The following COP1 variants were observed in gnomAD, a reference collection of about 807,000 sequenced individuals.
The protein encoded by COP1 is E3 ubiquitin-protein ligase COP1.
In COP1, 24 loss-of-function variants were observed where a neutral mutation model predicts 101.3. The observed-to-expected ratio is 0.24, with a 90% CI of 0.17 to 0.33. The LOEUF (loss-of-function observed/expected upper bound fraction) is 0.33. COP1 is among the 10% of genes least tolerant of loss of function. COP1 has a pLI of 1.00. For missense variants in COP1, 663 were observed against 906.2 expected (o/e 0.73, Z 3.45); for synonymous variants, 347 against 341.9 (o/e 1.01, Z -0.17).
intron 11 of COP1, among the ~76,000 whole-genome samples, chr1:176,046,689 T>G (rs1196308489): frequency 2.0e-5 from 3 of 152,086 alleles, no homozygotes; most frequent in Non-Finnish European, 4.4e-5. Flanking sequence ...CAACTAATTT[T>G]TCCATACATT....
intron 11 of COP1, among the ~76,000 whole-genome samples, chr1:176,066,051 T>G (rs1391856531): frequency 6.6e-6 from 1 of 152,056 alleles, no homozygotes; most frequent in Non-Finnish European, 1.5e-5. Context: ...TATCACAAGA[T>G]GAGATGGCAC....
intron 15 of COP1, among the ~76,000 whole-genome samples, chr1:176,025,442 G>A (rs1210852756): frequency 7.1e-6 from 1 of 140,496 alleles, no homozygotes; most frequent in Non-Finnish European, 1.5e-5. Flanking sequence ...ATATGAACAA[G>A]TTTTGTCTAC....
At chr1:175,981,623 C>G (rs1655892938) in intron 18 of COP1, among the ~76,000 whole-genome samples, 1 of 152,074 alleles carries the variant, frequency 6.6e-6, no homozygotes, top group Non-Finnish European at 1.5e-5. Flanking sequence ...TTGGCTAAAA[C>G]TGCAAAAGCA....
At chr1:176,145,607 C>T (rs1023010771) in intron 6 of COP1, among the ~76,000 whole-genome samples, 4 of 151,946 alleles carry the variant, frequency 2.6e-5, no homozygotes, top group Admixed American at 1.3e-4. Context: ...ACTCAAATGA[C>T]GACCAACAAC....
At chr1:175,960,283 T>C (rs922968496) in intron 18 of COP1, among the ~76,000 whole-genome samples, 13 of 152,226 alleles carry the variant, frequency 8.5e-5, no homozygotes, top group African/African-American at 2.7e-4. Flanking sequence ...GCTTCTAGAC[T>C]TTTCATTATG....
At chr1:176,104,698 ATGT>A (rs1684010256) in intron 9 of COP1, among the ~76,000 whole-genome samples, 1 of 152,160 alleles carries the variant, frequency 6.6e-6, no homozygotes, top group Non-Finnish European at 1.5e-5. Context: ...ACATATTTAC[ATGT>A]TGTTGGTGAA....
At chr1:176,195,418 A>G (rs1408942781) in intron 1 of COP1, among the ~76,000 whole-genome samples, 2 of 152,218 alleles carry the variant, frequency 1.3e-5, no homozygotes, top group African/African-American at 4.8e-5. Context: ...CAGTACAAGT[A>G]TACAGAAAAT....
intron 1 of COP1, among the ~76,000 whole-genome samples, chr1:176,189,674 G>A (rs1285606756): frequency 6.6e-6 from 1 of 150,782 alleles, no homozygotes; most frequent in Non-Finnish European, 1.5e-5. Flanking sequence ...TAGTAATGAT[G>A]AACATAAATA....
Position 175,985,729 on chromosome 1 carries a change from C to T in COP1, c.2133+1214G>A, listed in dbSNP as rs996440315. On this transcript the variant is annotated intron_variant, in intron 18 of 19. Transcript: ENST00000367669. ...GCTTTCCAATGCTTTCAAATAGGTT[C>T]TTTTTTTAAAAATACATACATTTGG... 7.9e-5 allele frequency among the ~76,000 whole-genome samples: 12 copies of T among 152,228 alleles called. 1 individual carries two copies. The South Asian group carries it at 1.2e-3, about 16-fold the overall frequency.
intron 12 of COP1, among the ~76,000 whole-genome samples, chr1:176,044,636 T>A (rs555756554): frequency 6.6e-6 from 1 of 152,264 alleles, no homozygotes; most frequent in East Asian, 1.9e-4. Flanking sequence ...AGAGACACAT[T>A]TTGAATTTAG....
chr1:176,075,690 G>C (rs557838380), intron 11 of COP1, among the ~76,000 whole-genome samples: 94 of 152,206 alleles, frequency 6.2e-4, no homozygotes, highest in African/African-American at 2.1e-3. Flanking sequence ...CTTACAAGAA[G>C]ACTTAGCCAC....
intron 3 of COP1, among the ~76,000 whole-genome samples, chr1:176,170,045 T>C (rs1695802917): frequency 6.6e-6 from 1 of 152,236 alleles, no homozygotes; most frequent in African/African-American, 2.4e-5. Context: ...CAATTCCTCA[T>C]CTGTTTAAGT....
chr1:175,971,753 A>C (rs1159306759), intron 18 of COP1, among the ~76,000 whole-genome samples: 2 of 152,206 alleles, frequency 1.3e-5, no homozygotes, highest in African/African-American at 2.4e-5. Flanking sequence ...CTCCAGCTGT[A>C]ATGTTCCAAT....
intron 6 of COP1, among the ~76,000 whole-genome samples, chr1:176,140,886 C>A (rs1690572100): frequency 6.6e-6 from 1 of 152,058 alleles, no homozygotes; most frequent in Non-Finnish European, 1.5e-5. Flanking sequence ...ACTAAAGAAT[C>A]AATAGCAAGC....
chr1:176,120,736 A>G (rs1686978705), intron 8 of COP1, among the ~76,000 whole-genome samples: 1 of 152,190 alleles, frequency 6.6e-6, no homozygotes, highest in Non-Finnish European at 1.5e-5. Context: ...TATTAAGTCA[A>G]TTTCACATAT....
intron 11 of COP1, among the ~76,000 whole-genome samples, chr1:176,048,117 A>G (rs1285225710): frequency 6.6e-6 from 1 of 151,756 alleles, no homozygotes; most frequent in African/African-American, 2.4e-5. Flanking sequence ...CCTTAAAGAC[A>G]CACATTGATA....
In COP1 at chr1:175,987,115, T is replaced by G; in HGVS notation, c.1973-12A>C. The G allele has an allele frequency of 7.7e-7, 1 of 1,297,830 alleles. No homozygotes were observed. Among genetic ancestry groups the G allele is most frequent in the Non-Finnish European group, 1.1e-6 (1 of 933,526 alleles). 80.4% of individuals were successfully genotyped at this position (1,297,830 alleles called of 1,614,324 possible). On this transcript the variant is annotated splice_polypyrimidine_tract_variant and intron_variant, in intron 17 of 19. Coordinates refer to ENST00000367669, the MANE Select transcript of COP1 (RefSeq NM_022457.7). ...GTTATTTTCACTTCCTGAAAACAAA[T>G]AATAATAATAGTATTTTAGAATAGA...
chr1:176,057,614 G>A (rs1440389807), intron 11 of COP1, among the ~76,000 whole-genome samples: 1 of 152,208 alleles, frequency 6.6e-6, no homozygotes, highest in Non-Finnish European at 1.5e-5. Context: ...CGGGATTGCA[G>A]ACGGAGTCTC....
At chr1:176,141,735 CTT>C (rs113303187) in intron 6 of COP1, among the ~76,000 whole-genome samples, 17 of 142,102 alleles carry the variant, frequency 1.2e-4, no homozygotes, top group Admixed American at 2.1e-4. Context: ...TTTTTCTTTT[CTT>C]TTTTTTTTTT....
Sources: gnomAD v4.1 joint callset for allele counts (sites outside exome capture counted in the v4.1 genomes callset) on GRCh38, gnomAD v4.1.1 for gene constraint, MANE v1.5 for transcripts, NCBI Gene and HGNC (gene_info 2026-07-23, HGNC 2026-07-21) for gene names.